The following KIF26B variants were observed in gnomAD, a reference collection of about 807,000 sequenced individuals.
KIF26B encodes kinesin family member 26B, also known as kinesin-like protein KIF26B.
KIF26B carries 63 observed loss-of-function variants against 151.2 expected under a neutral mutation model. The observed-to-expected ratio is 0.42, with a 90% CI of 0.34 to 0.51. KIF26B has a LOEUF of 0.51. KIF26B is among the 20% of genes least tolerant of loss of function. The pLI, the probability that KIF26B is intolerant of heterozygous loss-of-function variation, is 0.07. For synonymous variants in KIF26B, 1,357 were observed against 1,262.1 expected, an observed-to-expected ratio of 1.08 and a Z score of -1.59; for missense variants, 2,813 against 2,913.6, an observed-to-expected ratio of 0.97 and a Z score of 0.79.
chr1:245,165,387 T>A (rs1412461857), intron 2 of KIF26B, among the ~76,000 whole-genome samples: 1 of 152,108 alleles, frequency 6.6e-6, no homozygotes, highest in East Asian at 1.9e-4. Context: ...GAGAAGGGGT[T>A]TTGTTATTGT....
At chr1:245,506,974 C>T (rs1660738966) in intron 4 of KIF26B, among the ~76,000 whole-genome samples, 1 of 152,202 alleles carries the variant, frequency 6.6e-6, no homozygotes, top group Non-Finnish European at 1.5e-5. Flanking sequence ...GCCACGGTGC[C>T]CAGCCTGAAG....
intron 5 of KIF26B, among the ~76,000 whole-genome samples, chr1:245,576,486 G>A (rs986155058): frequency 1.3e-5 from 2 of 152,180 alleles, no homozygotes; most frequent in Admixed American, 1.3e-4. Flanking sequence ...CTGTCAGCGT[G>A]ACAGCCCAGT....
Position 245,637,187 on chromosome 1 carries a change from C to CT in KIF26B, c.2099-8929dup, listed in dbSNP as rs2043842346. 2.0e-5 allele frequency among the ~76,000 whole-genome samples: 3 copies of CT among 151,812 alleles called. No homozygotes were observed. In the South Asian group the frequency reaches 6.2e-4, roughly 31 times the overall value. ...ATCCTCTCCAGCATTTGTTTTTTGTCTTTTTGATAATAGCCATTGTAACTG... is the reference window on the plus strand; with the variant it reads ...ATCCTCTCCAGCATTTGTTTTTTGTCTTTTTTGATAATAGCCATTGTAACTG... On this transcript the variant is annotated intron_variant, in intron 9 of 14. Transcript: ENST00000407071.
rs747761532 is a variant in KIF26B at position 245,686,758 on chromosome 1, C to T, written c.3775C>T (p.Leu1259Phe). 4.3e-6 allele frequency: 7 copies of T among 1,613,542 alleles called. No homozygotes were observed. The highest frequency in any genetic ancestry group is 5.9e-6 in the Non-Finnish European group (7 of 1,179,844). ...GGTCAGCATCACACAGTTCTTGCCC[C>T]TCCCGAAGATGAGCCTGGATGAGAA... is the stretch of plus-strand genomic sequence containing the variant. Reference protein sequence around the residue: ...SEVSITQFLPLPKMSLDEKAQ... With the variant: ...SEVSITQFLPFPKMSLDEKAQ... Residue 1259 changes from leucine (L) to phenylalanine (F), a missense_variant, in exon 12 of 15, where the codon CTC becomes TTC. By Grantham distance (22) the Leu-to-Phe change is conservative. This residue lies in a region of KIF26B where 2,060 missense variants were observed against 2,088.6 expected (regional missense o/e 0.99). Coordinates refer to ENST00000407071, the MANE Select transcript of KIF26B (RefSeq NM_018012.4). This position sits in a 1 kb window ranked among gnomAD's most constrained non-coding sequence, Gnocchi z 5.6.
At chr1:245,400,137 G>A (rs996757443) in intron 3 of KIF26B, among the ~76,000 whole-genome samples, 2 of 152,112 alleles carry the variant, frequency 1.3e-5, no homozygotes, top group African/African-American at 4.8e-5. Flanking sequence ...AGGAAAATTG[G>A]CTGCTCATTT....
intron 4 of KIF26B, among the ~76,000 whole-genome samples, chr1:245,477,594 A>C (rs1167021930): frequency 6.6e-6 from 1 of 151,874 alleles, no homozygotes; most frequent in Non-Finnish European, 1.5e-5. Context: ...AGATTTGGGC[A>C]GAGGCATAGA....
rs1353346911 is a variant in KIF26B at position 245,514,695 on chromosome 1, C to T, written c.1167-26072C>T. Among the ~76,000 whole-genome samples, 7 of 152,200 alleles carry T rather than the reference C, an allele frequency of 4.6e-5. No individual in the cohort carries two copies. The South Asian group carries it at 8.3e-4, about 18-fold the overall frequency. Reference sequence around the variant, plus strand: ...GGCTTCTCTCCTAGACATTTTTTCTCGTATCTTCCTCTAGGAGTCAGTGGA... The same window carrying T: ...GGCTTCTCTCCTAGACATTTTTTCTTGTATCTTCCTCTAGGAGTCAGTGGA... On this transcript the variant is annotated intron_variant, in intron 4 of 14. Transcript: ENST00000407071.
chr1:245,228,009 A>G (rs1669911579), intron 2 of KIF26B, among the ~76,000 whole-genome samples: 1 of 152,150 alleles, frequency 6.6e-6, no homozygotes, highest in African/African-American at 2.4e-5. Flanking sequence ...TCTCAAAACA[A>G]AACAAACACA....
intron 2 of KIF26B, among the ~76,000 whole-genome samples, chr1:245,263,069 G>A (rs1355424208): frequency 6.6e-6 from 1 of 152,214 alleles, no homozygotes; most frequent in Non-Finnish European, 1.5e-5. Context: ...TGCAGTCAAG[G>A]AGTGTCATGA....
chr1:245,386,232 CTG>C (rs1673540618), intron 3 of KIF26B, among the ~76,000 whole-genome samples: 1 of 151,296 alleles, frequency 6.6e-6, no homozygotes, highest in African/African-American at 2.4e-5. Flanking sequence ...CAGAGCAAGA[CTG>C]TGTCTCAAAA....
chr1:245,661,711 ACACAC>A (rs200697475), intron 10 of KIF26B, among the ~76,000 whole-genome samples: 2,559 of 79,868 alleles, frequency 0.032, 33 homozygotes, highest in South Asian at 0.093. Context: ...ATATATACAC[ACACAC>A]CACCAATATA....
intron 4 of KIF26B, among the ~76,000 whole-genome samples, chr1:245,529,262 C>A (rs1246208547): frequency 6.6e-6 from 1 of 152,132 alleles, no homozygotes; most frequent in Non-Finnish European, 1.5e-5. Context: ...GAGGGGTTAA[C>A]CCCTGGCAAG....
rs771045215 is a variant in KIF26B, at chr1:245,688,737, G to T, written c.5754G>T (p.Thr1918=). 1 of 1,607,202 alleles carries T rather than the reference G, an allele frequency of 6.2e-7. No individual in the cohort carries two copies. Among genetic ancestry groups the T allele is most frequent in the Non-Finnish European group, 8.5e-7 (1 of 1,176,614 alleles). The change falls in exon 12 of 15, where the codon ACG becomes ACT. Residue 1918 remains threonine (T), a synonymous_variant. Coordinates refer to ENST00000407071, the MANE Select transcript of KIF26B (RefSeq NM_018012.4). ...GCGCGTCCTCGGCGCAGGACTCCAC[G>T]AGCGAGAACAGCAGCTCCGTGGGCG... is the stretch of plus-strand genomic sequence containing the variant. ...TGSASSAQDS[T]SENSSSVGGR... is the part of the protein sequence containing the mutation.
intron 2 of KIF26B, among the ~76,000 whole-genome samples, chr1:245,353,122 G>A (rs1357699544): frequency 6.6e-6 from 1 of 152,190 alleles, no homozygotes; most frequent in African/African-American, 2.4e-5. Flanking sequence ...CTTTTAAAAT[G>A]TGAGGACAAA....
chr1:245,307,586 C>A (rs532117104), intron 2 of KIF26B, among the ~76,000 whole-genome samples: 41 of 152,308 alleles, frequency 2.7e-4, no homozygotes, highest in African/African-American at 8.4e-4. Context: ...CTGTGTCTAA[C>A]AAATGCTGGC....
chr1:245,422,748 G>T (rs114104505), intron 4 of KIF26B, among the ~76,000 whole-genome samples: 1,681 of 152,236 alleles, frequency 0.011, 38 homozygotes, highest in African/African-American at 0.039. Context: ...TGAGTCTGCG[G>T]GGCCCTGGAA....
At chr1:245,242,205 A>G (rs1468764665) in intron 2 of KIF26B, among the ~76,000 whole-genome samples, 1 of 152,240 alleles carries the variant, frequency 6.6e-6, no homozygotes, top group Non-Finnish European at 1.5e-5. Context: ...AGCCTGGGCT[A>G]CACAGCGAGA....
intron 5 of KIF26B, among the ~76,000 whole-genome samples, chr1:245,578,255 C>T (rs550345421): frequency 1.3e-5 from 2 of 152,386 alleles, no homozygotes; most frequent in African/African-American, 4.8e-5. Flanking sequence ...TGACCCTCCA[C>T]ATACCCAGAA....
chr1:245,494,837 C>A (rs914680778), intron 4 of KIF26B, among the ~76,000 whole-genome samples: 2 of 151,876 alleles, frequency 1.3e-5, no homozygotes, highest in Admixed American at 1.3e-4. Context: ...CCCAGGAGTC[C>A]AAGACCAGCC....
Sources: gnomAD v4.1 joint callset for allele counts (sites outside exome capture counted in the v4.1 genomes callset) on GRCh38, gnomAD v4.1.1 for gene constraint, gnomAD v4.1.1 regional missense constraint, Gnocchi (gnomAD v3.1) non-coding constraint, MANE v1.5 for transcripts, NCBI Gene and HGNC (gene_info 2026-07-23, HGNC 2026-07-21) for gene names.